Variants in UMAD1 observed in about 807,000 individuals in gnomAD.
The protein encoded by UMAD1 is UBAP1-MVB12-associated (UMA)-domain containing protein 1.
In UMAD1, 8 loss-of-function variants were observed where a neutral mutation model predicts 6.1. That is an observed-to-expected ratio of 1.30 (90% CI 0.76 to 2.35). UMAD1 has a LOEUF of 2.35. Ranked by LOEUF, UMAD1 falls within the 30% of genes most tolerant of loss-of-function variation. UMAD1 has a pLI of 0.00. For missense variants in UMAD1, 130 were observed against 78.4 expected, an observed-to-expected ratio of 1.66 and a Z score of -2.49; for synonymous variants, 56 against 31.4, an observed-to-expected ratio of 1.78 and a Z score of -2.61.
intron 2 of UMAD1, among the ~76,000 whole-genome samples, chr7:7,753,188 T>A (rs370778395): frequency 4.6e-5 from 7 of 152,314 alleles, no homozygotes; most frequent in Non-Finnish European, 7.4e-5. Flanking sequence ...GTACATGAGA[T>A]GTTTTGATAC....
chr7:7,781,344 A>G (rs2115252795), intron 2 of UMAD1, among the ~76,000 whole-genome samples: 1 of 152,164 alleles, frequency 6.6e-6, no homozygotes, highest in East Asian at 1.9e-4. Context: ...TTTTTCAAAA[A>G]TAATCTGGTT....
At chr7:7,741,590 T>A (rs867343622) in intron 2 of UMAD1, among the ~76,000 whole-genome samples, 11,362 of 142,980 alleles carry the variant, frequency 0.079, 563 homozygotes, top group African/African-American at 0.13. Flanking sequence ...ATAATAATAA[T>A]AATAATAATA....
At chr7:7,782,978 C>G (rs969967721) in intron 2 of UMAD1, among the ~76,000 whole-genome samples, 4 of 152,212 alleles carry the variant, frequency 2.6e-5, no homozygotes, top group African/African-American at 9.7e-5. Flanking sequence ...GGTAATCTGC[C>G]TCCCTCAGCC....
chr7:7,802,406 C>T (rs10952073), intron 3 of UMAD1, among the ~76,000 whole-genome samples: 69,688 of 151,606 alleles, frequency 0.46, 16,714 homozygotes, highest in African/African-American at 0.59. Context: ...CATTCAAAAT[C>T]CCGTTGCCTT....
chr7:7,766,421 C>G (rs752642013), intron 2 of UMAD1, among the ~76,000 whole-genome samples: 1 of 152,070 alleles, frequency 6.6e-6, no homozygotes, highest in Non-Finnish European at 1.5e-5. Context: ...AATAGGTCCT[C>G]GTGTAGTTTA....
chr7:7,696,513 A>G (rs1335027264), intron 2 of UMAD1, among the ~76,000 whole-genome samples: 1 of 152,168 alleles, frequency 6.6e-6, no homozygotes, highest in Non-Finnish European at 1.5e-5. Context: ...TTTAGTTAGT[A>G]AAATTGTAGA....
At chr7:7,799,253 G>T (rs1416878617) in intron 2 of UMAD1, among the ~76,000 whole-genome samples, 3 of 152,090 alleles carry the variant, frequency 2.0e-5, no homozygotes, top group African/African-American at 7.2e-5. Context: ...TCATTTTTAT[G>T]CCTTTGTTTA....
At chr7:7,856,874 C>T (rs550543695) in intron 3 of UMAD1, among the ~76,000 whole-genome samples, 14 of 152,280 alleles carry the variant, frequency 9.2e-5, no homozygotes, top group African/African-American at 3.4e-4. Context: ...GAAGGAATAG[C>T]ATCAGTTGGG....
chr7:7,813,661 T>A (rs1488553849), intron 3 of UMAD1, among the ~76,000 whole-genome samples: 1 of 152,228 alleles, frequency 6.6e-6, no homozygotes, highest in East Asian at 1.9e-4. Flanking sequence ...GGTAAATGGT[T>A]GTATAACCCT....
chr7:7,827,133 A>ATGTGTGTGTGTG (rs1354412548), intron 3 of UMAD1, among the ~76,000 whole-genome samples: 23 of 89,236 alleles, frequency 2.6e-4, no homozygotes, highest in African/African-American at 7.5e-4. Flanking sequence ...ATATATATAT[A>ATGTGTGTGTGTG]TATATATATA....
chr7:7,865,002 G>A (rs73676916), intron 3 of UMAD1, among the ~76,000 whole-genome samples: 2,415 of 152,290 alleles, frequency 0.016, 68 homozygotes, highest in African/African-American at 0.054. Context: ...GCGAGGTCCC[G>A]GAAGGGGTGT....
intron 1 of UMAD1, among the ~76,000 whole-genome samples, chr7:7,643,703 C>G (rs1785028307): frequency 7.2e-6 from 1 of 139,824 alleles, no homozygotes; most frequent in Non-Finnish European, 1.5e-5. Context: ...CAGAGCGAGA[C>G]TCCCTCTCAA....
In UMAD1 at chr7:7,670,234, C is replaced by T. The variant is rs28916003; in HGVS notation, c.-63-3075C>T. Among the ~76,000 whole-genome samples, 22 of 152,204 alleles carry T rather than the reference C, an allele frequency of 1.4e-4. No homozygotes were observed. The South Asian group carries it at 3.5e-3, about 24-fold the overall frequency. On this transcript the variant is annotated intron_variant, in intron 1 of 3. Transcript: ENST00000682710. ...TTATTAAAACTACTTTTGTGATATC[C>T]GTGTTTGTTCCATTTCTGACTTGTG... is the stretch of plus-strand genomic sequence containing the variant.
intron 3 of UMAD1, among the ~76,000 whole-genome samples, chr7:7,824,119 G>C (rs1055421814): frequency 3.3e-5 from 5 of 151,714 alleles, no homozygotes; most frequent in Non-Finnish European, 5.9e-5. Context: ...CTTGCCCTCC[G>C]CTCCACAGAA....
chr7:7,689,477 C>A (rs559909079), intron 2 of UMAD1: 1 of 152,212 alleles, frequency 6.6e-6, no homozygotes, highest in Admixed American at 6.5e-5. Flanking sequence ...TAATAAATTC[C>A]CGCATTAAAG....
chr7:7,797,627 T>A (rs979760958), intron 2 of UMAD1, among the ~76,000 whole-genome samples: 2 of 152,144 alleles, frequency 1.3e-5, no homozygotes, highest in African/African-American at 4.8e-5. Context: ...TAGAATGGGA[T>A]CATGATGATA....
At chr7:7,646,515 G>A (rs184873257) in intron 1 of UMAD1, among the ~76,000 whole-genome samples, 20 of 123,928 alleles carry the variant, frequency 1.6e-4, no homozygotes, top group Admixed American at 1.3e-3. Context: ...TAATTCTCTC[G>A]TCTGACACCA....
At chr7:7,706,453 A>C (rs2115163288) in intron 2 of UMAD1, among the ~76,000 whole-genome samples, 1 of 152,300 alleles carries the variant, frequency 6.6e-6, no homozygotes, top group South Asian at 2.1e-4. Flanking sequence ...AAAACCAAAA[A>C]TGAAACCTAT....
intron 2 of UMAD1, among the ~76,000 whole-genome samples, chr7:7,784,337 GTTTT>G (rs5882136): frequency 8.8e-6 from 1 of 113,696 alleles, no homozygotes. Context: ...TAAAATCTCT[GTTTT>G]TTTTTTTTTT....
Sources: allele counts gnomAD v4.1 joint callset (sites outside exome capture counted in the v4.1 genomes callset), GRCh38; gene constraint gnomAD v4.1.1; transcripts MANE v1.5; gene names NCBI Gene and HGNC (gene_info 2026-07-23, HGNC 2026-07-21).